Variants in SPMIP2 observed in about 807,000 individuals in gnomAD.
The protein encoded by SPMIP2 is sperm microtubule inner protein 2, also known as protein SPMIP2.
the SPMIP2 span, among the ~76,000 whole-genome samples, chr4:158,969,398 T>A: frequency 6.6e-6 from 1 of 152,202 alleles, no homozygotes; most frequent in Admixed American, 6.5e-5. Context: ...TCCATTTTTT[T>A]TTAAAGAATG....
the SPMIP2 span, among the ~76,000 whole-genome samples, chr4:158,991,578 C>T: frequency 6.6e-6 from 1 of 152,310 alleles, no homozygotes; most frequent in Non-Finnish European, 1.5e-5. Flanking sequence ...ATCACCATCA[C>T]TCCCCGTGAA....
the SPMIP2 span, among the ~76,000 whole-genome samples, chr4:158,963,088 T>C: frequency 6.6e-6 from 1 of 152,176 alleles, no homozygotes; most frequent in Non-Finnish European, 1.5e-5. Flanking sequence ...AGTATCTAAA[T>C]AATGAGCAAC....
At chr4:159,060,184 G>A in the SPMIP2 span, among the ~76,000 whole-genome samples, 4 of 152,150 alleles carry the variant, frequency 2.6e-5, no homozygotes, top group African/African-American at 9.7e-5. Flanking sequence ...TACCAGCTGG[G>A]TCAGATAAGA....
At chr4:158,931,188 A>G in the SPMIP2 span, among the ~76,000 whole-genome samples, 3 of 152,250 alleles carry the variant, frequency 2.0e-5, no homozygotes, top group African/African-American at 7.2e-5. Flanking sequence ...GACAGCACAA[A>G]TCTACTCTTG....
At chr4:158,979,068 C>T in the SPMIP2 span, among the ~76,000 whole-genome samples, 3 of 152,152 alleles carry the variant, frequency 2.0e-5, no homozygotes, top group African/African-American at 4.8e-5. Context: ...GCACCCTGCC[C>T]AGAGAAGAGG....
the SPMIP2 span, among the ~76,000 whole-genome samples, chr4:159,023,387 C>T: frequency 6.6e-6 from 1 of 152,138 alleles, no homozygotes; most frequent in Non-Finnish European, 1.5e-5. Context: ...ACCGGCATTC[C>T]TGGTTCTGTA....
the SPMIP2 span, among the ~76,000 whole-genome samples, chr4:158,947,058 G>A: frequency 6.6e-6 from 1 of 152,130 alleles, no homozygotes; most frequent in Admixed American, 6.6e-5. Flanking sequence ...GCTGAGGGAG[G>A]GAGGAATAGG....
the SPMIP2 span, among the ~76,000 whole-genome samples, chr4:158,913,848 A>T: frequency 1.7e-4 from 24 of 142,652 alleles, no homozygotes; most frequent in African/African-American, 4.8e-4. Flanking sequence ...CCATATCTTA[A>T]AAAAAAAAAA....
chr4:158,898,679 G>A, the SPMIP2 span, among the ~76,000 whole-genome samples: 1 of 152,222 alleles, frequency 6.6e-6, no homozygotes, highest in Non-Finnish European at 1.5e-5. Context: ...TTTGCACATT[G>A]ATTTTGTATC....
chr4:158,967,740 A>G, the SPMIP2 span, among the ~76,000 whole-genome samples: 1 of 152,186 alleles, frequency 6.6e-6, no homozygotes, highest in Non-Finnish European at 1.5e-5. Context: ...ATTCTGAAAT[A>G]TGTATTTTGG....
At chr4:158,900,963 T>C in the SPMIP2 span, among the ~76,000 whole-genome samples, 2,726 of 152,296 alleles carry the variant, frequency 0.018, 80 homozygotes, top group African/African-American at 0.061. Context: ...GTTTTTGCAG[T>C]GGCTGGTACC....
At chr4:158,990,170 C>A in the SPMIP2 span, among the ~76,000 whole-genome samples, 51,706 of 152,110 alleles carry the variant, frequency 0.34, 8,988 homozygotes, top group South Asian at 0.41. Flanking sequence ...ATCAAAACCT[C>A]AATTAGATTC....
chr4:159,007,300 G>C, the SPMIP2 span: 4 of 871,596 alleles, frequency 4.6e-6, no homozygotes, highest in South Asian at 5.2e-5. Context: ...ACTTCCCTCC[G>C]GGCCCCACTG....
chr4:158,915,284 G>A, the SPMIP2 span: 14 of 1,613,362 alleles, frequency 8.7e-6, no homozygotes, highest in African/African-American at 5.3e-5. Flanking sequence ...CAGTGTCCTC[G>A]AAAGCACTCA....
chr4:158,896,325 C>T, the SPMIP2 span, among the ~76,000 whole-genome samples: 1 of 152,092 alleles, frequency 6.6e-6, no homozygotes, highest in African/African-American at 2.4e-5. Context: ...TGTGGGGGGA[C>T]AGTGCTTTCC....
At chr4:158,939,971 G>A in the SPMIP2 span, among the ~76,000 whole-genome samples, 2 of 152,206 alleles carry the variant, frequency 1.3e-5, no homozygotes, top group East Asian at 3.8e-4. Flanking sequence ...GTTGGCTTTA[G>A]AGGATTGATC....
At chr4:158,912,654 T>C in the SPMIP2 span, among the ~76,000 whole-genome samples, 3 of 152,228 alleles carry the variant, frequency 2.0e-5, no homozygotes, top group Non-Finnish European at 1.5e-5. Flanking sequence ...GAACATTTGT[T>C]CCAATTTATT....
At chr4:158,934,851 T>G in the SPMIP2 span, among the ~76,000 whole-genome samples, 2 of 152,160 alleles carry the variant, frequency 1.3e-5, no homozygotes, top group African/African-American at 4.8e-5. Context: ...GCTCTCTAAT[T>G]CAGGCTCCCA....
chr4:158,906,217 TAC>T, the SPMIP2 span: 1 of 152,220 alleles, frequency 6.6e-6, no homozygotes, highest in Non-Finnish European at 1.5e-5. Context: ...GCTGTTGTGT[TAC>T]AGAGAGAGAA....
Sources: allele counts gnomAD v4.1 joint callset (sites outside exome capture counted in the v4.1 genomes callset), GRCh38; gene constraint gnomAD v4.1.1; transcripts MANE v1.5; gene names NCBI Gene and HGNC (gene_info 2026-07-23, HGNC 2026-07-21).